The following DRC8 variants were observed in gnomAD, a reference collection of about 807,000 sequenced individuals.
DRC8 encodes the protein dynein regulatory complex subunit 8.
At chr1:244,986,977 A>G in the DRC8 span, among the ~76,000 whole-genome samples, 5 of 152,190 alleles carry the variant, frequency 3.3e-5, no homozygotes, top group East Asian at 9.7e-4. Flanking sequence ...ATCTTTATCT[A>G]AGGTCCATCC....
chr1:245,062,262 T>C, the DRC8 span, among the ~76,000 whole-genome samples: 2 of 152,246 alleles, frequency 1.3e-5, no homozygotes, highest in Admixed American at 1.3e-4. Flanking sequence ...ATTTCAAATA[T>C]GGTGTTTCTC....
At chr1:245,124,571 C>T in the DRC8 span, 1 of 151,696 alleles carries the variant, frequency 6.6e-6, no homozygotes, top group Admixed American at 6.6e-5. Context: ...CACTAGGTAA[C>T]ATTTGCATCC....
At chr1:244,969,974 C>A in the DRC8 span, 1 of 519,722 alleles carries the variant, frequency 1.9e-6, no homozygotes, top group Non-Finnish European at 3.4e-6. Flanking sequence ...CGGCGCTTTT[C>A]AAAATCTGCA....
chr1:245,107,430 CTTCTG>C, the DRC8 span: 1 of 152,390 alleles, frequency 6.6e-6, no homozygotes, highest in East Asian at 1.9e-4. Flanking sequence ...ACCCCGGGTC[CTTCTG>C]TTCTGATCGG....
the DRC8 span, among the ~76,000 whole-genome samples, chr1:245,063,582 A>T: frequency 2.0e-5 from 3 of 152,174 alleles, no homozygotes; most frequent in Non-Finnish European, 2.9e-5. Flanking sequence ...GATGGCTAGG[A>T]TCATCATTCA....
the DRC8 span, chr1:244,970,451 AG>A: frequency 6.6e-7 from 1 of 1,526,472 alleles, no homozygotes; most frequent in Non-Finnish European, 8.7e-7. Flanking sequence ...AAGGTAAGGT[AG>A]GGGAGCCGGG....
At chr1:245,072,761 C>T in the DRC8 span, among the ~76,000 whole-genome samples, 1 of 152,192 alleles carries the variant, frequency 6.6e-6, no homozygotes, top group Non-Finnish European at 1.5e-5. Flanking sequence ...AGGCATGGCT[C>T]GGGCCGTCCC....
chr1:244,976,901 G>C, the DRC8 span, among the ~76,000 whole-genome samples: 4 of 152,226 alleles, frequency 2.6e-5, no homozygotes, highest in Admixed American at 2.0e-4. Context: ...GTGTCCATCA[G>C]CGGATGAATG....
chr1:245,098,252 C>T, the DRC8 span, among the ~76,000 whole-genome samples: 14 of 152,062 alleles, frequency 9.2e-5, no homozygotes, highest in Non-Finnish European at 1.9e-4. Context: ...GAGACGTGTT[C>T]CCACTGAGAA....
chr1:244,979,167 A>G, the DRC8 span, among the ~76,000 whole-genome samples: 2 of 151,932 alleles, frequency 1.3e-5, no homozygotes, highest in Admixed American at 1.3e-4. Flanking sequence ...TGCTTCTCCT[A>G]GACTCTTAAC....
chr1:245,002,334 A>C, the DRC8 span: 17 of 911,882 alleles, frequency 1.9e-5, no homozygotes, highest in South Asian at 2.5e-4. Flanking sequence ...CTCATTGATT[A>C]TACATCTAGC....
the DRC8 span, among the ~76,000 whole-genome samples, chr1:244,986,744 CAAAAA>C: frequency 1.3e-5 from 1 of 76,126 alleles, no homozygotes. Flanking sequence ...GACCCTGTCT[CAAAAA>C]AAAAAAAAAA....
chr1:245,072,738 G>A, the DRC8 span, among the ~76,000 whole-genome samples: 2 of 152,210 alleles, frequency 1.3e-5, no homozygotes, highest in South Asian at 4.1e-4. Flanking sequence ...TGAATCATGG[G>A]GGAAGATCCC....
the DRC8 span, among the ~76,000 whole-genome samples, chr1:245,057,814 T>G: frequency 8.7e-4 from 132 of 152,320 alleles, 1 homozygote; most frequent in African/African-American, 3.0e-3. Flanking sequence ...TCTTCTCTTC[T>G]TGCTATTTTG....
the DRC8 span, among the ~76,000 whole-genome samples, chr1:245,045,122 A>G: frequency 6.6e-6 from 1 of 152,016 alleles, no homozygotes; most frequent in Non-Finnish European, 1.5e-5. Flanking sequence ...TCATCCTCCC[A>G]TCTCAGCCTC....
At chr1:245,079,526 A>G in the DRC8 span, among the ~76,000 whole-genome samples, 1 of 152,216 alleles carries the variant, frequency 6.6e-6, no homozygotes, top group Non-Finnish European at 1.5e-5. Context: ...AACCCGGGGA[A>G]GCGATATGAG....
At chr1:245,083,791 T>C in the DRC8 span, 3 of 1,459,872 alleles carry the variant, frequency 2.1e-6, no homozygotes, top group Non-Finnish European at 2.7e-6. Context: ...TCAGTCATTC[T>C]GGTGAAAGTT....
chr1:245,038,070 A>G, the DRC8 span, among the ~76,000 whole-genome samples: 2 of 152,222 alleles, frequency 1.3e-5, no homozygotes, highest in East Asian at 3.8e-4. Flanking sequence ...TATTAAGTTA[A>G]CACAGTCTCA....
At chr1:245,060,892 A>T in the DRC8 span, among the ~76,000 whole-genome samples, 1 of 152,278 alleles carries the variant, frequency 6.6e-6, no homozygotes, top group Non-Finnish European at 1.5e-5. Context: ...GCATGTAAAT[A>T]AAGTTTCACT....
Sources: allele counts gnomAD v4.1 joint callset (sites outside exome capture counted in the v4.1 genomes callset), GRCh38; gene constraint gnomAD v4.1.1; transcripts MANE v1.5; gene names NCBI Gene and HGNC (gene_info 2026-07-23, HGNC 2026-07-21).